CNTNAP2: variants seen among roughly 807,000 people sequenced by gnomAD.
CNTNAP2 encodes contactin-associated protein-like 2.
CNTNAP2 carries 98 observed loss-of-function variants against 155.2 expected under a neutral mutation model. The ratio of observed to expected loss-of-function variants is 0.63; its 90% CI spans 0.54 to 0.75. The LOEUF is 0.75. Among genes scored for constraint, CNTNAP2 ranks in the 30% least tolerant of loss-of-function variants. CNTNAP2 has a pLI of 0.00. For missense variants in CNTNAP2, 1,727 were observed against 1,688.1 expected (o/e 1.02, Z -0.40); for synonymous variants, 651 against 631.2 (o/e 1.03, Z -0.47).
At position 147,227,578 on chromosome 7, in the gene CNTNAP2, G is replaced by A. The variant is rs141592766; in HGVS notation, c.1349-72563G>A. Among the ~76,000 whole-genome samples, 920 of 152,280 alleles carry A rather than the reference G, an allele frequency of 6.0e-3. 6 individuals are homozygous for A. The highest frequency in any genetic ancestry group is 0.01 in the Middle Eastern group (3 of 294). Reference sequence around the variant, plus strand: ...GAATACGACGTGTTAACAGATGGACGAAAGGGAACAGTGACAGTGAGGGTC... The same window carrying A: ...GAATACGACGTGTTAACAGATGGACAAAAGGGAACAGTGACAGTGAGGGTC... On this transcript the variant is annotated intron_variant, in intron 8 of 23. Transcript: ENST00000361727.
At chr7:148,352,513 G>A (rs1036623892) in intron 21 of CNTNAP2, among the ~76,000 whole-genome samples, 1 of 152,212 alleles carries the variant, frequency 6.6e-6, no homozygotes, top group African/African-American at 2.4e-5. Flanking sequence ...CAGCCAATGT[G>A]AATGTGCCGC....
intron 9 of CNTNAP2, among the ~76,000 whole-genome samples, chr7:147,314,311 T>C (rs1007230036): frequency 6.6e-6 from 1 of 152,174 alleles, no homozygotes; most frequent in African/African-American, 2.4e-5. Flanking sequence ...TTCAGCCTAC[T>C]TCAAAAGTTA....
intron 13 of CNTNAP2, among the ~76,000 whole-genome samples, chr7:147,734,310 G>T (rs1796798876): frequency 6.6e-6 from 1 of 152,088 alleles, no homozygotes; most frequent in South Asian, 2.1e-4. Flanking sequence ...TTATATGCTG[G>T]ATTACATTTA....
intron 1 of CNTNAP2, among the ~76,000 whole-genome samples, chr7:146,235,824 G>C (rs1000286682): frequency 6.6e-6 from 1 of 152,048 alleles, no homozygotes; most frequent in Non-Finnish European, 1.5e-5. Flanking sequence ...CTGTTCTCCC[G>C]TCTGCCTTTT....
intron 1 of CNTNAP2, among the ~76,000 whole-genome samples, chr7:146,404,079 C>T (rs1178271303): frequency 7.0e-6 from 1 of 142,230 alleles, no homozygotes; most frequent in Non-Finnish European, 1.5e-5. Context: ...GAGCCGAGAT[C>T]CCGCCACTGC....
At chr7:146,405,364 G>T (rs980609406) in intron 1 of CNTNAP2, among the ~76,000 whole-genome samples, 1 of 152,150 alleles carries the variant, frequency 6.6e-6, no homozygotes, top group African/African-American at 2.4e-5. Flanking sequence ...AATCTTGCCT[G>T]CTTTGCTCAG....
chr7:147,125,600 C>T (rs780944971), intron 6 of CNTNAP2, among the ~76,000 whole-genome samples: 19 of 152,218 alleles, frequency 1.2e-4, no homozygotes, highest in Non-Finnish European at 2.8e-4. Context: ...TGCAATACAG[C>T]TCTGCTAGGG....
At chr7:147,837,619 G>A (rs1444495307) in intron 13 of CNTNAP2, among the ~76,000 whole-genome samples, 1 of 152,136 alleles carries the variant, frequency 6.6e-6, no homozygotes, top group Admixed American at 6.5e-5. Flanking sequence ...TTCTGCCTAT[G>A]AGCCAGTAAA....
At chr7:147,238,305 G>T (rs747138451) in intron 8 of CNTNAP2, among the ~76,000 whole-genome samples, 4 of 152,040 alleles carry the variant, frequency 2.6e-5, no homozygotes, top group African/African-American at 7.2e-5. Context: ...GTGAGCCACC[G>T]TGCCCGGCCT....
At chr7:146,244,817 C>T (rs1315794950) in intron 1 of CNTNAP2, among the ~76,000 whole-genome samples, 1 of 152,226 alleles carries the variant, frequency 6.6e-6, no homozygotes, top group East Asian at 1.9e-4. Context: ...GGAAAGGACT[C>T]TACCTATCCA....
At position 147,130,575 on chromosome 7, in the gene CNTNAP2, C is replaced by A. The variant is rs372965517; in HGVS notation, c.1084-1670C>A. ...GAAAACATAGAATAAACTTTTGAAT[C>A]AAAATATACATACATACAGAAAATC... is the stretch of plus-strand genomic sequence containing the variant. On this transcript the variant is annotated intron_variant, in intron 7 of 23. Transcript: ENST00000361727. Among the ~76,000 whole-genome samples, 5 of 152,224 alleles carry A rather than the reference C, an allele frequency of 3.3e-5. No homozygotes were observed. The East Asian group carries it at 5.8e-4, about 18-fold the overall frequency.
chr7:147,985,066 A>G (rs58372981), intron 15 of CNTNAP2, among the ~76,000 whole-genome samples: 15,697 of 151,894 alleles, frequency 0.1, 1,077 homozygotes, highest in African/African-American at 0.2. Flanking sequence ...AGTGAGCCGA[A>G]ATCACGCCAT....
intron 9 of CNTNAP2, among the ~76,000 whole-genome samples, chr7:147,335,246 A>C (rs1333381840): frequency 6.6e-6 from 1 of 152,206 alleles, no homozygotes; most frequent in Admixed American, 6.6e-5. Context: ...AATGCTTCTA[A>C]TAGAATAACC....
chr7:146,162,826 C>T (rs948341967), intron 1 of CNTNAP2, among the ~76,000 whole-genome samples: 6 of 152,120 alleles, frequency 3.9e-5, no homozygotes, highest in African/African-American at 1.4e-4. Context: ...CCTATGCAGC[C>T]ATAAAAAAGG....
chr7:147,995,257 T>C (rs1337029446), intron 15 of CNTNAP2, among the ~76,000 whole-genome samples: 1 of 152,186 alleles, frequency 6.6e-6, no homozygotes, highest in African/African-American at 2.4e-5. Context: ...CAGTTCAGCA[T>C]AGTGGGGCAT....
intron 12 of CNTNAP2, among the ~76,000 whole-genome samples, chr7:147,600,391 T>A (rs920688303): frequency 3.5e-4 from 53 of 152,326 alleles, no homozygotes; most frequent in African/African-American, 1.2e-3. Flanking sequence ...ACCACAACTA[T>A]TCAACTCTGC....
At chr7:146,133,877 G>A (rs538272820) in intron 1 of CNTNAP2, among the ~76,000 whole-genome samples, 23 of 152,184 alleles carry the variant, frequency 1.5e-4, no homozygotes, top group African/African-American at 3.6e-4. Context: ...TGTTGGCTTA[G>A]GATTGACTTG....
intron 13 of CNTNAP2, among the ~76,000 whole-genome samples, chr7:147,806,488 C>T (rs1233107149): frequency 6.6e-6 from 1 of 152,050 alleles, no homozygotes; most frequent in African/African-American, 2.4e-5. Flanking sequence ...CCAGTAATCC[C>T]ACTGCTGAAT....
At chr7:147,522,798 A>C (rs1799252624) in intron 11 of CNTNAP2, among the ~76,000 whole-genome samples, 2 of 151,892 alleles carry the variant, frequency 1.3e-5, no homozygotes, top group African/African-American at 2.4e-5. Context: ...AAAAAAAAAA[A>C]AACCTACTAA....
Sources: gnomAD v4.1 joint callset for allele counts (sites outside exome capture counted in the v4.1 genomes callset) on GRCh38, gnomAD v4.1.1 for gene constraint, MANE v1.5 for transcripts, NCBI Gene and HGNC (gene_info 2026-07-23, HGNC 2026-07-21) for gene names.